The following CTNNA3 variants were observed in gnomAD, a reference collection of about 807,000 sequenced individuals.
CTNNA3 encodes catenin alpha-3.
Under a neutral mutation model 95.7 loss-of-function variants are expected in CTNNA3, and 76 were observed. The observed-to-expected ratio is 0.79, with a 90% CI of 0.66 to 0.96. The LOEUF is 0.96. Among genes scored for constraint, CTNNA3 ranks in the 40% least tolerant of loss-of-function variants. The probability of loss-of-function intolerance (pLI) is 0.00; values close to 1 mark genes in which losing one functional copy is unlikely to be tolerated. For missense variants in CTNNA3, 1,191 were observed against 1,089.8 expected, an observed-to-expected ratio of 1.09 and a Z score of -1.31; for synonymous variants, 431 against 374.4, an observed-to-expected ratio of 1.15 and a Z score of -1.74.
intron 16 of CTNNA3, among the ~76,000 whole-genome samples, chr10:65,971,707 GC>G: frequency 6.6e-6 from 1 of 151,148 alleles, no homozygotes; most frequent in South Asian, 2.1e-4. Context: ...AACAAAAAGA[GC>G]CCCAGCCAAA....
intron 5 of CTNNA3, among the ~76,000 whole-genome samples, chr10:67,412,710 C>T (rs1845411016): frequency 6.6e-6 from 1 of 152,026 alleles, no homozygotes; most frequent in Admixed American, 6.6e-5. Flanking sequence ...TTTCAGTGTC[C>T]TTAAAGAAAG....
At position 66,686,900 on chromosome 10, in the gene CTNNA3, T is replaced by C. The variant is rs1263047084; in HGVS notation, c.1282-65116A>G. 2.0e-5 allele frequency among the ~76,000 whole-genome samples: 3 copies of C among 152,282 alleles called. No individual in the cohort carries two copies. In the South Asian group the frequency reaches 6.2e-4, roughly 32 times the overall value. ...CTTTAGTTTGAGTTGTTGTTGTTTT[T>C]TGTTTTTTTGTCACAACATAATTAG... On this transcript the variant is annotated intron_variant, in intron 9 of 17. Coordinates refer to ENST00000433211, the MANE Select transcript of CTNNA3 (RefSeq NM_013266.4).
chr10:67,440,862 A>G (rs951293062), intron 5 of CTNNA3, among the ~76,000 whole-genome samples: 1 of 152,140 alleles, frequency 6.6e-6, no homozygotes, highest in African/African-American at 2.4e-5. Flanking sequence ...GAACACTACA[A>G]TAAATACCTA....
chr10:66,433,594 G>T (rs1589243573), intron 11 of CTNNA3, among the ~76,000 whole-genome samples: 1 of 152,178 alleles, frequency 6.6e-6, no homozygotes, highest in South Asian at 2.1e-4. Flanking sequence ...TCTGTAGGTT[G>T]CCTGTTTCCT....
At position 67,750,723 on chromosome 10, in the gene CTNNA3, G is replaced by A; in HGVS notation, c.-2+12711C>T. ...TGGATGCCTGGGAGGCCATGGAGGAGCTGGTGGATGAGGGGCTGGTGAAAG... is the reference window on the plus strand; with the variant it reads ...TGGATGCCTGGGAGGCCATGGAGGAACTGGTGGATGAGGGGCTGGTGAAAG... On this transcript the variant is annotated intron_variant, in intron 1 of 17. Coordinates refer to the CTNNA3 transcript ENST00000684154. 3.2e-6 allele frequency: 5 copies of A among 1,577,700 alleles called. No individual in the cohort carries two copies. In the South Asian group the frequency reaches 5.5e-5, roughly 17 times the overall value.
At chr10:67,119,573 G>T (rs1003617163) in intron 7 of CTNNA3, among the ~76,000 whole-genome samples, 1 of 151,832 alleles carries the variant, frequency 6.6e-6, no homozygotes, top group Non-Finnish European at 1.5e-5. Context: ...ATTACAACTT[G>T]GAGAACAATT....
intron 7 of CTNNA3, among the ~76,000 whole-genome samples, chr10:66,824,169 T>C (rs1412403920): frequency 6.6e-6 from 1 of 152,084 alleles, no homozygotes; most frequent in Admixed American, 6.6e-5. Context: ...GGTGTTTCAA[T>C]TCATGAGAGG....
chr10:66,521,758 G>C (rs1206266823), intron 10 of CTNNA3, among the ~76,000 whole-genome samples: 1 of 152,082 alleles, frequency 6.6e-6, no homozygotes, highest in Non-Finnish European at 1.5e-5. Flanking sequence ...GTCTGTTTTT[G>C]CTTTGACTGG....
At chr10:66,830,188 T>C (rs181733853) in intron 7 of CTNNA3, among the ~76,000 whole-genome samples, 1 of 152,308 alleles carries the variant, frequency 6.6e-6, no homozygotes, top group East Asian at 1.9e-4. Context: ...TAAGCAGGTA[T>C]GCAAGATAGA....
intron 11 of CTNNA3, among the ~76,000 whole-genome samples, chr10:66,518,336 T>C (rs1400533750): frequency 6.6e-6 from 1 of 152,168 alleles, no homozygotes; most frequent in Non-Finnish European, 1.5e-5. Flanking sequence ...CCTTGTTGCA[T>C]GTCCAGAGTA....
At chr10:66,280,800 G>C (rs559118359) in intron 12 of CTNNA3, among the ~76,000 whole-genome samples, 179 bp from the exon 13 acceptor site, 2 of 151,182 alleles carry the variant, frequency 1.3e-5, no homozygotes, top group East Asian at 3.9e-4. Context: ...TCTCTGAAAA[G>C]TAAAACGAAT....
At chr10:66,684,024 GT>G (rs1167074656) in intron 9 of CTNNA3, among the ~76,000 whole-genome samples, 9 of 152,184 alleles carry the variant, frequency 5.9e-5, no homozygotes, top group Non-Finnish European at 1.2e-4. Flanking sequence ...GGCTGGAGGT[GT>G]GAGACATGGC....
chr10:67,604,385 T>A (rs981503385), intron 3 of CTNNA3, among the ~76,000 whole-genome samples: 9 of 152,172 alleles, frequency 5.9e-5, no homozygotes, highest in African/African-American at 2.4e-5. Context: ...GGGAGGTAGG[T>A]TTAAAAGTTT....
At chr10:66,593,921 C>T (rs12572725) in intron 10 of CTNNA3, among the ~76,000 whole-genome samples, 10,308 of 152,058 alleles carry the variant, frequency 0.068, 707 homozygotes, top group East Asian at 0.35. Context: ...TGGCTGAATC[C>T]TCCCTCTATG....
intron 9 of CTNNA3, among the ~76,000 whole-genome samples, chr10:66,702,363 T>C (rs949198793): frequency 6.6e-6 from 1 of 152,062 alleles, no homozygotes; most frequent in Non-Finnish European, 1.5e-5. Context: ...CCTCTAGGGA[T>C]GAAGAGGCAT....
At chr10:66,841,446 G>A (rs1271997569) in intron 7 of CTNNA3, among the ~76,000 whole-genome samples, 3 of 152,070 alleles carry the variant, frequency 2.0e-5, no homozygotes, top group African/African-American at 7.2e-5. Context: ...TCATTCAAAT[G>A]GATGATTGAC....
intron 7 of CTNNA3, among the ~76,000 whole-genome samples, chr10:66,904,561 A>G (rs781430833): frequency 6.6e-6 from 1 of 152,198 alleles, no homozygotes; most frequent in Non-Finnish European, 1.5e-5. Context: ...AAAAGAAACC[A>G]TCATCAGAGC....
chr10:67,034,432 T>C (rs988599645), intron 7 of CTNNA3, among the ~76,000 whole-genome samples: 1 of 152,198 alleles, frequency 6.6e-6, no homozygotes, highest in African/African-American at 2.4e-5. Context: ...TACTTCTATG[T>C]TGGTTTATGA....
At chr10:66,149,512 T>A (rs1330686082) in intron 13 of CTNNA3, among the ~76,000 whole-genome samples, 1 of 151,438 alleles carries the variant, frequency 6.6e-6, no homozygotes, top group African/African-American at 2.4e-5. Context: ...TTTTGTGGAA[T>A]TCACTATACA....
Sources: allele counts gnomAD v4.1 joint callset (sites outside exome capture counted in the v4.1 genomes callset), GRCh38; gene constraint gnomAD v4.1.1; transcripts MANE v1.5; gene names NCBI Gene and HGNC (gene_info 2026-07-23, HGNC 2026-07-21).